The following PTPRN2 variants were observed in gnomAD, a reference collection of about 807,000 sequenced individuals.
PTPRN2 encodes the protein protein tyrosine phosphatase receptor type N2.
In PTPRN2, 74 loss-of-function variants were observed where a neutral mutation model predicts 118.8. The observed-to-expected ratio is 0.62, with a 90% CI of 0.52 to 0.76. The LOEUF (loss-of-function observed/expected upper bound fraction) is 0.76, where lower values mean the gene tolerates loss of function less well. Ranked by LOEUF, PTPRN2 falls within the 30% of genes least tolerant of loss-of-function variation. The pLI is 0.00. For synonymous variants in PTPRN2, 641 were observed against 608.0 expected, an observed-to-expected ratio of 1.05 and a Z score of -0.80; for missense variants, 1,481 against 1,394.4, an observed-to-expected ratio of 1.06 and a Z score of -0.99.
chr7:157,901,397 C>T (rs1331532668), intron 11 of PTPRN2, among the ~76,000 whole-genome samples: 1 of 152,184 alleles, frequency 6.6e-6, no homozygotes, highest in African/African-American at 2.4e-5. Flanking sequence ...GCCGAACCAA[C>T]CAGATACAGA....
At chr7:158,249,072 ACAC>A (rs1319170686) in intron 3 of PTPRN2, among the ~76,000 whole-genome samples, 1 of 148,910 alleles carries the variant, frequency 6.7e-6, no homozygotes, top group African/African-American at 2.5e-5. Context: ...TCACACACAT[ACAC>A]CACACACACC....
In PTPRN2 at chr7:157,801,582, A is replaced by C. The variant is rs1477987482; in HGVS notation, c.1788+97091T>G. ...TATAGGTAAAAACATCTTAGCCTGC[A>C]TGAAAACAAACATCATCTTAGAAGA... On this transcript the variant is annotated intron_variant, in intron 12 of 22. Transcript: ENST00000389418. The surrounding 1 kb of genome is among the most constrained non-coding windows in gnomAD (Gnocchi z 4.2). 6.6e-6 allele frequency among the ~76,000 whole-genome samples: 1 copy of C among 152,224 alleles called. No individual in the cohort carries two copies. The highest frequency in any genetic ancestry group is 1.5e-5 in the Non-Finnish European group (1 of 68,048).
At chr7:158,261,948 G>A (rs1193306213) in intron 3 of PTPRN2, among the ~76,000 whole-genome samples, 1 of 152,234 alleles carries the variant, frequency 6.6e-6, no homozygotes, top group African/African-American at 2.4e-5. Flanking sequence ...AAAGCCCGTG[G>A]TGGCTGCGCC....
intron 9 of PTPRN2, among the ~76,000 whole-genome samples, chr7:158,126,574 C>A (rs1352410506): frequency 1.3e-5 from 1 of 75,988 alleles, no homozygotes; most frequent in Non-Finnish European, 2.5e-5. Context: ...GCCACACCAG[C>A]CCCCAGGACA....
At chr7:158,439,999 C>T (rs546869470) in intron 2 of PTPRN2, among the ~76,000 whole-genome samples, 4 of 152,336 alleles carry the variant, frequency 2.6e-5, no homozygotes, top group Non-Finnish European at 5.9e-5. Context: ...TCACACTGTA[C>T]TAAATCAGTT....
intron 2 of PTPRN2, among the ~76,000 whole-genome samples, chr7:158,331,102 G>A (rs188633750): frequency 7.1e-3 from 557 of 77,906 alleles, no homozygotes; most frequent in Middle Eastern, 0.03. Context: ...GCCCGCAGAC[G>A]TCACTCACAC....
At chr7:158,451,428 G>A (rs1032091365) in intron 2 of PTPRN2, among the ~76,000 whole-genome samples, 2 of 151,946 alleles carry the variant, frequency 1.3e-5, no homozygotes, top group Non-Finnish European at 1.5e-5. Context: ...CTTCCTCTCC[G>A]CCCTAAAGTC....
In PTPRN2 at chr7:157,611,092, C is replaced by G. The variant is rs995002489; in HGVS notation, c.2345-7017G>C. 1.3e-5 allele frequency among the ~76,000 whole-genome samples: 2 copies of G among 152,228 alleles called. No homozygotes were observed. The highest frequency in any genetic ancestry group is 1.3e-4 in the Admixed American group (2 of 15,286). ...CTGAGCTGAATAACCGAGCGCGAGG[C>G]TGGTGTCCGGCTTCCACACTGGACG... On this transcript the variant is annotated intron_variant, in intron 15 of 22. Transcript: ENST00000389418. The surrounding 1 kb of genome is among the most constrained non-coding windows in gnomAD (Gnocchi z 5.9).
At chr7:158,044,726 T>G (rs1417550548) in intron 11 of PTPRN2, among the ~76,000 whole-genome samples, 2 of 152,158 alleles carry the variant, frequency 1.3e-5, no homozygotes, top group Non-Finnish European at 2.9e-5. Flanking sequence ...TCAGAAACAG[T>G]GTCCAGGGCT....
At chr7:158,107,339 C>G (rs543547163) in intron 10 of PTPRN2, among the ~76,000 whole-genome samples, 1 of 152,166 alleles carries the variant, frequency 6.6e-6, no homozygotes, top group Non-Finnish European at 1.5e-5. Flanking sequence ...ACCCTCCCCC[C>G]TCCTAAGTCC....
At chr7:158,414,067 CAAAAA>C (rs34928217) in intron 2 of PTPRN2, among the ~76,000 whole-genome samples, 1 of 76,466 alleles carries the variant, frequency 1.3e-5, no homozygotes, top group South Asian at 5.0e-4. Flanking sequence ...GCCTCTATCT[CAAAAA>C]AAAAAAAAAA....
rs893010391 is a variant in PTPRN2, at chr7:157,990,119, C to T, written c.1723+91179G>A. Among the ~76,000 whole-genome samples, 10 of 152,142 alleles carry T rather than the reference C, an allele frequency of 6.6e-5. No homozygotes were observed. Among genetic ancestry groups the T allele is most frequent in the African/African-American group, 2.4e-4 (10 of 41,428 alleles). ...GTTGCTCTTCTGCGCTCCAAATACA[C>T]CGAGACGAAAACAAGCCCAGGTGAA... On this transcript the variant is annotated intron_variant, in intron 11 of 22. Coordinates refer to ENST00000389418, the MANE Select transcript of PTPRN2 (RefSeq NM_002847.5). The surrounding 1 kb of genome is among the most constrained non-coding windows in gnomAD (Gnocchi z 4.3).
Position 157,776,848 on chromosome 7 carries a change from TCTCCTCCTCCTCCCTCTC to T in PTPRN2, c.1789-93929_1789-93912del, listed in dbSNP as rs1224173373. On this transcript the variant is annotated intron_variant, in intron 12 of 22. Transcript: ENST00000389418. ...CTCTCCTCCCTCTCTTCCTCCTCCC[TCTCCTCCTCCTCCCTCTC>T]CTCCTCCTCCCTCTCCTCCTCCATC... 7.9e-3 allele frequency among the ~76,000 whole-genome samples: 381 copies of T among 48,344 alleles called. 2 individuals are homozygous for T. The highest frequency in any genetic ancestry group is 0.04 in the African/African-American group (370 of 9,356). The allele number at this position is 48,344 out of a possible 152,430, so 31.7% of individuals were successfully genotyped here. A position where few individuals can be genotyped will look rare whatever the true frequency, so the allele number is the denominator to read the frequency against.
At chr7:158,107,736 A>T (rs1005420542) in intron 10 of PTPRN2, among the ~76,000 whole-genome samples, 34 of 152,158 alleles carry the variant, frequency 2.2e-4, no homozygotes, top group African/African-American at 7.2e-4. Flanking sequence ...CACCCACTGC[A>T]GTCACGCTGT....
chr7:158,254,937 G>A (rs896638610), intron 3 of PTPRN2, among the ~76,000 whole-genome samples: 5 of 152,274 alleles, frequency 3.3e-5, no homozygotes, highest in Non-Finnish European at 7.3e-5. Flanking sequence ...GGTGTTACAG[G>A]GAAAATCCCG....
At chr7:157,575,061 G>A (rs991022591) in intron 19 of PTPRN2, among the ~76,000 whole-genome samples, 158 of 152,306 alleles carry the variant, frequency 1.0e-3, no homozygotes, top group African/African-American at 3.7e-3. Flanking sequence ...ATTTTTCTTG[G>A]TGATGAATCA....
intron 2 of PTPRN2, among the ~76,000 whole-genome samples, chr7:158,444,818 G>A (rs1817613880): frequency 6.6e-6 from 1 of 152,122 alleles, no homozygotes; most frequent in Non-Finnish European, 1.5e-5. Flanking sequence ...GGCCATTTTT[G>A]GGATCCCAAG....
intron 1 of PTPRN2, among the ~76,000 whole-genome samples, chr7:158,522,612 A>G (rs1824288444): frequency 1.3e-5 from 2 of 152,210 alleles, no homozygotes; most frequent in South Asian, 2.1e-4. Context: ...GACCAGATGC[A>G]CTTACAACAT....
chr7:157,766,842 G>T (rs768828411), intron 12 of PTPRN2, among the ~76,000 whole-genome samples: 52 of 152,192 alleles, frequency 3.4e-4, no homozygotes, highest in Non-Finnish European at 5.3e-4. Flanking sequence ...CTCCGTTGGG[G>T]CCTTCACCCT....
Sources: gnomAD v4.1 joint callset for allele counts (sites outside exome capture counted in the v4.1 genomes callset) on GRCh38, gnomAD v4.1.1 for gene constraint, Gnocchi (gnomAD v3.1) non-coding constraint, MANE v1.5 for transcripts, NCBI Gene and HGNC (gene_info 2026-07-23, HGNC 2026-07-21) for gene names.